Variants in GALNT17 observed in about 807,000 individuals in gnomAD.
The protein encoded by GALNT17 is UDP-GalNAc:polypeptide N-acetylgalactosaminyltransferase-like 3.
GALNT17 carries 29 observed loss-of-function variants against 63.7 expected under a neutral mutation model. The observed-to-expected ratio is 0.46, with a 90% confidence interval of 0.34 to 0.62. The LOEUF is 0.62. Among genes scored for constraint, GALNT17 ranks in the 20% least tolerant of loss-of-function variants. The pLI, the probability that GALNT17 is intolerant of heterozygous loss-of-function variation, is 0.01. For synonymous variants in GALNT17, 305 were observed against 318.3 expected, an observed-to-expected ratio of 0.96 and a Z score of 0.45; for missense variants, 603 against 799.6, an observed-to-expected ratio of 0.75 and a Z score of 2.97.
chr7:71,441,015 TG>T (rs1787056730), intron 5 of GALNT17, among the ~76,000 whole-genome samples: 1 of 130,478 alleles, frequency 7.7e-6, no homozygotes, highest in African/African-American at 2.6e-5. Flanking sequence ...TTTTTGTTGT[TG>T]TTCTTTTTTT....
chr7:71,463,487 A>G (rs73365677), intron 5 of GALNT17, among the ~76,000 whole-genome samples: 5,879 of 152,248 alleles, frequency 0.039, 187 homozygotes, highest in African/African-American at 0.087. Flanking sequence ...CTCACGCAAG[A>G]AACAGTCCAA....
chr7:71,679,759 C>A (rs1791210038), intron 9 of GALNT17, among the ~76,000 whole-genome samples: 2 of 151,974 alleles, frequency 1.3e-5, no homozygotes, highest in African/African-American at 4.8e-5. Context: ...CTGCAGTGGG[C>A]AGCAGAATCG....
intron 1 of GALNT17, among the ~76,000 whole-genome samples, chr7:71,159,517 A>G (rs533067493): frequency 6.6e-6 from 1 of 150,936 alleles, no homozygotes; most frequent in Non-Finnish European, 1.5e-5. Context: ...TTTCTCACTC[A>G]CAATGTCATC....
At chr7:71,557,559 G>A (rs1789185079) in intron 5 of GALNT17, among the ~76,000 whole-genome samples, 1 of 152,112 alleles carries the variant, frequency 6.6e-6, no homozygotes, top group African/African-American at 2.4e-5. Context: ...TTGAGAGGCT[G>A]AGGTAGGTGG....
At chr7:71,231,749 GGA>G (rs371282510) in intron 1 of GALNT17, among the ~76,000 whole-genome samples, 29 of 145,558 alleles carry the variant, frequency 2.0e-4, no homozygotes, top group Non-Finnish European at 3.1e-4. Context: ...GGAGGGAGAG[GGA>G]GAGAGAGAGA....
At chr7:71,386,945 G>C (rs570347988) in intron 2 of GALNT17, among the ~76,000 whole-genome samples, 1 of 152,160 alleles carries the variant, frequency 6.6e-6, no homozygotes, top group Non-Finnish European at 1.5e-5. Context: ...GGGTTCAGTA[G>C]ATGCCTTCAT....
At chr7:71,521,230 C>CTT (rs147913846) in intron 5 of GALNT17, among the ~76,000 whole-genome samples, 1 of 145,396 alleles carries the variant, frequency 6.9e-6, no homozygotes, top group Non-Finnish European at 1.5e-5. Context: ...GATCCCAAAT[C>CTT]TTTTTTTTTT....
chr7:71,670,187 G>T, intron 8 of GALNT17, 78 bp downstream of exon 8: 3 of 1,588,924 alleles, frequency 1.9e-6, no homozygotes, highest in Non-Finnish European at 2.6e-6. Context: ...GAGAAATAGA[G>T]TTGCTCATTC....
At chr7:71,242,196 C>T (rs1051298959) in intron 1 of GALNT17, among the ~76,000 whole-genome samples, 7 of 151,730 alleles carry the variant, frequency 4.6e-5, no homozygotes, top group Admixed American at 6.6e-5. Context: ...GTCTCCAAAA[C>T]CCAAACACCT....
chr7:71,377,507 G>A (rs1792766047), intron 2 of GALNT17, among the ~76,000 whole-genome samples: 1 of 152,114 alleles, frequency 6.6e-6, no homozygotes, highest in African/African-American at 2.4e-5. Context: ...GATGTTCTCT[G>A]GGTGTGTAGA....
intron 6 of GALNT17, among the ~76,000 whole-genome samples, chr7:71,573,164 G>A (rs1789478710): frequency 6.6e-6 from 1 of 150,738 alleles, no homozygotes; most frequent in South Asian, 2.1e-4. Context: ...ACGTGCCACT[G>A]CACCTGGCTA....
chr7:71,377,115 ATATATAT>A lies in GALNT17; in HGVS notation c.423-11119_423-11113del, dbSNP rs1385368734. ...AAAAAAAAAAATAAAAATAAAAAAA[ATATATAT>A]ATATATATATATATATATAAAATCT... is the stretch of plus-strand genomic sequence containing the variant. On this transcript the variant is annotated intron_variant, in intron 2 of 10. Coordinates refer to ENST00000333538, the MANE Select transcript of GALNT17 (RefSeq NM_022479.3). Among the ~76,000 whole-genome samples, 159 of 38,460 alleles carry A rather than the reference ATATATAT, an allele frequency of 4.1e-3. 4 individuals are homozygous for A. Among genetic ancestry groups the A allele is most frequent in the Non-Finnish European group, 5.6e-3 (98 of 17,558 alleles). 25.2% of individuals were successfully genotyped at this position (38,460 alleles called of 152,430 possible). A position where few individuals can be genotyped will look rare whatever the true frequency, so the allele number is the denominator to read the frequency against.
intron 6 of GALNT17, among the ~76,000 whole-genome samples, chr7:71,585,408 C>T (rs1380361108): frequency 1.3e-5 from 2 of 152,230 alleles, no homozygotes; most frequent in East Asian, 1.9e-4. Context: ...AGACTCTACA[C>T]TCATTCTGCA....
chr7:71,507,017 T>C (rs1788280456), intron 5 of GALNT17, among the ~76,000 whole-genome samples: 1 of 152,206 alleles, frequency 6.6e-6, no homozygotes, highest in Admixed American at 6.5e-5. Flanking sequence ...GGACGATCGC[T>C]TGAGGCCAGG....
intron 5 of GALNT17, among the ~76,000 whole-genome samples, chr7:71,544,895 C>T (rs1161961692): frequency 6.6e-6 from 1 of 151,080 alleles, no homozygotes; most frequent in African/African-American, 2.4e-5. Flanking sequence ...AATACCTGCA[C>T]CCCCATCACA....
In GALNT17 at chr7:71,546,239, C is replaced by T. The variant is rs149889498; in HGVS notation, c.963-25046C>T. Among the ~76,000 whole-genome samples the T allele has an allele frequency of 7.2e-4, 109 of 151,366 alleles. 1 individual carries two copies. The East Asian group carries it at 0.021, about 29-fold the overall frequency. On this transcript the variant is annotated intron_variant, in intron 5 of 10. Coordinates refer to ENST00000333538, the MANE Select transcript of GALNT17 (RefSeq NM_022479.3). ...GCAATGGCACAATCATGGCTCACTG[C>T]AGCCTCAGCCTCCCTGGCTGAAGCA...
chr7:71,362,562 A>G (rs945502989), intron 2 of GALNT17, among the ~76,000 whole-genome samples: 1 of 152,082 alleles, frequency 6.6e-6, no homozygotes, highest in African/African-American at 2.4e-5. Flanking sequence ...CATTGATCCC[A>G]TTTTGCCTCC....
At chr7:71,199,680 TCCATCC>T in intron 1 of GALNT17, among the ~76,000 whole-genome samples, 1 of 91,298 alleles carries the variant, frequency 1.1e-5, no homozygotes, top group African/African-American at 5.6e-5. Flanking sequence ...CACCCATCCA[TCCATCC>T]ATCCATCCAT....
chr7:71,409,176 T>C (rs1793387125), intron 3 of GALNT17, among the ~76,000 whole-genome samples: 1 of 152,106 alleles, frequency 6.6e-6, no homozygotes, highest in African/African-American at 2.4e-5. Context: ...AAGTAGGTCG[T>C]AGGCAGTGGG....
Sources: gnomAD v4.1 joint callset for allele counts (sites outside exome capture counted in the v4.1 genomes callset) on GRCh38, gnomAD v4.1.1 for gene constraint, MANE v1.5 for transcripts, NCBI Gene and HGNC (gene_info 2026-07-23, HGNC 2026-07-21) for gene names.